AMD1: variants seen among roughly 807,000 people sequenced by gnomAD.
AMD1 encodes the protein S-adenosylmethionine decarboxylase proenzyme.
A neutral mutation model predicts 40.2 loss-of-function variants in AMD1; 11 were observed. That is an observed-to-expected ratio of 0.27 (90% CI 0.17 to 0.45). The LOEUF is 0.45. Ranked by LOEUF, AMD1 falls within the 20% of genes least tolerant of loss-of-function variation. AMD1 has a pLI of 1.00. For missense variants in AMD1, 257 were observed against 410.2 expected, an observed-to-expected ratio of 0.63 and a Z score of 3.23; for synonymous variants, 121 against 130.8, an observed-to-expected ratio of 0.93 and a Z score of 0.51.
At chr6:110,867,109 G>A in the AMD1 span, among the ~76,000 whole-genome samples, 1 of 151,386 alleles carries the variant, frequency 6.6e-6, no homozygotes, top group Non-Finnish European at 1.5e-5. Context: ...CACCGGGCCT[G>A]GCCCAACAAC....
chr6:110,860,882 A>G, the AMD1 span, among the ~76,000 whole-genome samples: 1 of 141,378 alleles, frequency 7.1e-6, no homozygotes, highest in Admixed American at 6.9e-5. Flanking sequence ...GAGAGAGAGA[A>G]CAATCACATT....
chr6:110,881,272 A>G (rs996592583), intron 1 of AMD1, among the ~76,000 whole-genome samples: 4 of 152,088 alleles, frequency 2.6e-5, no homozygotes, highest in Admixed American at 1.3e-4. Context: ...TATCCTGTTA[A>G]TTATACCGTG....
the AMD1 span, among the ~76,000 whole-genome samples, chr6:110,825,125 A>G: frequency 6.6e-6 from 1 of 152,350 alleles, no homozygotes; most frequent in Non-Finnish European, 1.5e-5. Flanking sequence ...TTTTTCCTAT[A>G]CATGCATACC....
At chr6:110,888,011 A>G (rs949965026) in intron 2 of AMD1, among the ~76,000 whole-genome samples, 2 of 152,066 alleles carry the variant, frequency 1.3e-5, no homozygotes, top group African/African-American at 2.4e-5. Context: ...TCTTAAAAAT[A>G]TGGTATAAAA....
chr6:110,863,833 A>C, the AMD1 span: 1 of 375,782 alleles, frequency 2.7e-6, no homozygotes. Context: ...GAGCTTAAGA[A>C]GTTCATTGAA....
rs1021945705 is a variant in AMD1 at position 110,892,620 on chromosome 6, C to T, written c.616-115C>T. 9.3e-6 allele frequency: 13 copies of T among 1,396,496 alleles called. No individual in the cohort carries two copies. The African/African-American group carries it at 1.7e-4, about 18-fold the overall frequency. 86.5% of individuals were successfully genotyped at this position (1,396,496 alleles called of 1,614,324 possible). ...CGTCACCCAGGTGTTAAGCCTAGTA[C>T]CCATTAGTTATTTTTCCTGGTCCTC... On this transcript the variant is annotated intron_variant, in intron 6 of 8. Transcript: ENST00000368885.
rs748276856 is a variant in AMD1 at position 110,888,839 on chromosome 6, G to A, written c.198-18G>A. 6.2e-7 allele frequency: 1 copy of A among 1,608,132 alleles called. No homozygotes were observed. Among genetic ancestry groups the A allele is most frequent in the South Asian group, 1.1e-5 (1 of 90,126 alleles). On this transcript the variant is annotated intron_variant, in intron 2 of 8. Coordinates refer to ENST00000368885, the MANE Select transcript of AMD1 (RefSeq NM_001634.6). The stretch of plus-strand genomic sequence containing the variant: ...TACATTAGTATTGTTATAATATTGT[G>A]ACTTTTTTCAACTGCAGTGAGAGTA...
At chr6:110,842,350 CTA>C in the AMD1 span, among the ~76,000 whole-genome samples, 3 of 152,176 alleles carry the variant, frequency 2.0e-5, no homozygotes, top group Non-Finnish European at 4.4e-5. Flanking sequence ...GGGATAATGA[CTA>C]TCTATGCTGG....
At chr6:110,823,182 A>T in the AMD1 span, among the ~76,000 whole-genome samples, 1 of 152,234 alleles carries the variant, frequency 6.6e-6, no homozygotes, top group Admixed American at 6.5e-5. Flanking sequence ...ACATCTCTTT[A>T]TGATAAAAAC....
the AMD1 span, among the ~76,000 whole-genome samples, chr6:110,846,532 G>A: frequency 1.3e-5 from 2 of 152,164 alleles, no homozygotes; most frequent in Non-Finnish European, 2.9e-5. Flanking sequence ...AGACTTACAT[G>A]AAATGATGTA....
chr6:110,871,323 C>A (rs750907330), upstream of AMD1, among the ~76,000 whole-genome samples: 2 of 152,112 alleles, frequency 1.3e-5, no homozygotes, highest in Non-Finnish European at 2.9e-5. Context: ...TGTGTTAAAC[C>A]AAGTGAGGTG....
At chr6:110,816,496 TC>T in the AMD1 span, among the ~76,000 whole-genome samples, 1 of 152,054 alleles carries the variant, frequency 6.6e-6, no homozygotes, top group Non-Finnish European at 1.5e-5. Flanking sequence ...TAAATTAAGA[TC>T]CAGCCAACAC....
chr6:110,862,624 G>A, the AMD1 span, among the ~76,000 whole-genome samples: 2 of 151,632 alleles, frequency 1.3e-5, no homozygotes, highest in Admixed American at 1.3e-4. Flanking sequence ...GCATCACCAC[G>A]CCTGGCTAAT....
At chr6:110,892,622 CAT>C in intron 6 of AMD1, 111 bp from the exon 7 acceptor site, 1 of 1,400,976 alleles carries the variant, frequency 7.1e-7, no homozygotes, top group Admixed American at 1.9e-5. Flanking sequence ...GCCTAGTACC[CAT>C]TAGTTATTTT....
rs752200598 is a variant in AMD1 at position 110,875,245 on chromosome 6, G to A, written c.110+30G>A. ...GTCCCCGGGGCGCTCGCTGACATCC[G>A]GGCCTGGGGGCTGTCGCCGCCGCCG... On this transcript the variant is annotated intron_variant, in intron 1 of 8. Coordinates refer to ENST00000368885, the MANE Select transcript of AMD1 (RefSeq NM_001634.6). 8 of 1,544,934 alleles carry A rather than the reference G, an allele frequency of 5.2e-6. No individual in the cohort carries two copies. In the South Asian group the frequency reaches 5.8e-5, roughly 11 times the overall value.
chr6:110,815,650 G>C, the AMD1 span: 1 of 152,994 alleles, frequency 6.5e-6, no homozygotes, highest in East Asian at 1.9e-4. Context: ...GGTAGCGCAC[G>C]GCTCCCGGTT....
the AMD1 span, among the ~76,000 whole-genome samples, chr6:110,848,919 G>A: frequency 1.3e-5 from 2 of 149,232 alleles, no homozygotes; most frequent in African/African-American, 2.6e-5. Context: ...GCTAAGGCAA[G>A]AGGATTGAGC....
the AMD1 span, chr6:110,858,860 C>A: frequency 1.3e-6 from 1 of 789,938 alleles, no homozygotes; most frequent in Non-Finnish European, 2.3e-6. Context: ...AACCATCAGC[C>A]TCCAGATGGG....
upstream of AMD1, among the ~76,000 whole-genome samples, chr6:110,870,333 T>C (rs556390402): frequency 6.6e-6 from 1 of 152,232 alleles, no homozygotes; most frequent in East Asian, 1.9e-4. Context: ...TCACTTTAAA[T>C]TGAATCTAAG....
Sources: gnomAD v4.1 joint callset for allele counts (sites outside exome capture counted in the v4.1 genomes callset) on GRCh38, gnomAD v4.1.1 for gene constraint, MANE v1.5 for transcripts, NCBI Gene and HGNC (gene_info 2026-07-23, HGNC 2026-07-21) for gene names.